APBA3: variants seen among roughly 807,000 people sequenced by gnomAD.
APBA3 encodes the protein amyloid beta precursor protein binding family A member 3.
APBA3 carries 45 observed loss-of-function variants against 55.9 expected under a neutral mutation model. The observed-to-expected ratio is 0.80, with a 90% CI of 0.63 to 1.03. The LOEUF is 1.03. Ranked by LOEUF, APBA3 falls within the 50% of genes least tolerant of loss-of-function variation. The pLI, the probability that APBA3 is intolerant of heterozygous loss-of-function variation, is 0.00. For synonymous variants in APBA3, 370 were observed against 353.3 expected (o/e 1.05, Z -0.53); for missense variants, 865 against 820.3 (o/e 1.05, Z -0.67).
rs768886415 is a variant in APBA3, at chr19:3,752,870, G to T, written c.1132C>A (p.Leu378Ile). The T allele has an allele frequency of 3.1e-6, 5 of 1,613,450 alleles. No individual in the cohort carries two copies. The highest frequency in any genetic ancestry group is 4.2e-6 in the Non-Finnish European group (5 of 1,179,886). ...AAGTGGTCCAGGTCCCCATTATGGA[G>T]GTGGCAGGCGCCTGGGCTCGGGTGC... The part of the protein sequence containing the change: ...GVHPSPGACH[L>I]HNGDLDHFSN... The change falls in exon 7 of 11, where the codon CTC becomes ATC. Residue 378 changes from leucine to isoleucine, a missense_variant. Coordinates refer to ENST00000316757, the MANE Select transcript of APBA3 (RefSeq NM_004886.4).
At chr19:3,754,402 G>C in intron 3 of APBA3, 62 bp from the exon 4 acceptor site, 1 of 1,512,136 alleles carries the variant, frequency 6.6e-7, no homozygotes, top group Non-Finnish European at 8.8e-7. Flanking sequence ...TCTGCCCCAG[G>C]GCTACGCTCT....
At chr19:3,753,154 G>C in intron 6 of APBA3, 164 bp from the exon 7 acceptor site, 1 of 751,974 alleles carries the variant, frequency 1.3e-6, no homozygotes, top group South Asian at 1.9e-5. Context: ...AGAGACAGCC[G>C]CATCTTGGGG....
chr19:3,752,966 CAATG>C lies in APBA3; in HGVS notation c.1032_1035del (p.Ile345AlafsTer99), dbSNP rs758608144. Reference sequence around the variant, plus strand: ...CTGTAGGCGGCGGCGAAGGCCTGGCCAATGGCCTGGGCGATGAGCTGGGCCTGCG... The same window carrying C: ...CTGTAGGCGGCGGCGAAGGCCTGGCCGCCTGGGCGATGAGCTGGGCCTGCG... On this transcript the variant is annotated frameshift_variant, in exon 7 of 11. Transcript: ENST00000316757. LOFTEE classifies it high-confidence loss of function. The C allele has an allele frequency of 5.0e-6, 8 of 1,612,642 alleles. No individual in the cohort carries two copies. Among genetic ancestry groups the C allele is most frequent in the Non-Finnish European group, 5.9e-6 (7 of 1,179,888 alleles).
chr19:3,758,356 T>A (rs921677481), intron 3 of APBA3, among the ~76,000 whole-genome samples: 4 of 152,018 alleles, frequency 2.6e-5, no homozygotes, highest in African/African-American at 9.7e-5. Flanking sequence ...CCTCCTGGGC[T>A]CAAGAACTTC....
chr19:3,754,367 C>T (rs773846820), intron 3 of APBA3, 27 bp from the exon 4 acceptor site: 14 of 1,539,702 alleles, frequency 9.1e-6, no homozygotes, highest in East Asian at 2.4e-5. Flanking sequence ...AGAGGGTCGG[C>T]CCCCAGGGGC....
chr19:3,759,693 G>A lies in APBA3; in HGVS notation c.572C>T (p.Ala191Val). The change falls in exon 2 of 11, where the codon GCC becomes GTC. Residue 191 changes from alanine (A) to valine (V), a missense_variant. By Grantham distance (64) the Ala-to-Val change is moderately conservative. Transcript: ENST00000316757. ...LVTPEEPPAG[A>V]QSPETLASYP... ...GGAGGGCGGGGCGGGCACTACCTGGGCACCAGCGGGTGGCTCTTCAGGTGT... is the reference window on the plus strand; with the variant it reads ...GGAGGGCGGGGCGGGCACTACCTGGACACCAGCGGGTGGCTCTTCAGGTGT... 1 of 1,612,022 alleles carries A rather than the reference G, an allele frequency of 6.2e-7. No individual in the cohort carries two copies. Among genetic ancestry groups the A allele is most frequent in the Non-Finnish European group, 8.5e-7 (1 of 1,179,574 alleles).
chr19:3,760,242 C>T lies in APBA3; in HGVS notation c.23G>A (p.Arg8Gln), dbSNP rs776734372. The change falls in exon 2 of 11, where the codon CGA becomes CAA. Residue 8 changes from arginine (R) to glutamine (Q), a missense_variant. Arg to Gln is a conservative substitution (Grantham distance 43, BLOSUM62 1). Transcript: ENST00000316757. Reference protein sequence around the residue: MDFPTISRSPSGPPAMDL... With the variant: MDFPTISQSPSGPPAMDL... ...CATGGCTGGAGGCCCCGAAGGGGAT[C>T]GGGAAATTGTGGGGAAGTCCATGCC... 213 of 1,603,202 alleles carry T rather than the reference C, an allele frequency of 1.3e-4. No individual in the cohort carries two copies. The highest frequency in any genetic ancestry group is 1.7e-4 in the Non-Finnish European group (196 of 1,178,770).
At chr19:3,755,186 C>T (rs910508051) in intron 3 of APBA3, 1 of 152,226 alleles carries the variant, frequency 6.6e-6, no homozygotes, top group Non-Finnish European at 1.5e-5. Flanking sequence ...TTCCCATACT[C>T]TCCAGAACCC....
intron 6 of APBA3, 38 bp from the exon 7 acceptor site, chr19:3,753,028 C>T: frequency 6.3e-7 from 1 of 1,599,064 alleles, no homozygotes; most frequent in South Asian, 1.1e-5. Context: ...GGTGTCCCAC[C>T]CACCTCCTCC....
At chr19:3,760,612 G>A (rs2037133323) in intron 1 of APBA3, among the ~76,000 whole-genome samples, 1 of 152,076 alleles carries the variant, frequency 6.6e-6, no homozygotes, top group African/African-American at 2.4e-5. Flanking sequence ...AGCCAGGTGT[G>A]GTGGCAGGCA....
At position 3,753,327 on chromosome 19, in the gene APBA3, G is replaced by T. The variant is rs10412366; in HGVS notation, c.1012-337C>A. 12 of 420,176 alleles carry T rather than the reference G, an allele frequency of 2.9e-5. No individual in the cohort carries two copies. In the South Asian group the frequency reaches 4.1e-4, roughly 15 times the overall value. 26.0% of individuals were successfully genotyped at this position (420,176 alleles called of 1,614,324 possible). On this transcript the variant is annotated intron_variant, in intron 6 of 10. Transcript: ENST00000316757. ...CAGCCCAGGAGCGGGCAAGGTTTCGGGGAGTCGGCCGAGAGTCTTGGAGTC... is the reference window on the plus strand; with the variant it reads ...CAGCCCAGGAGCGGGCAAGGTTTCGTGGAGTCGGCCGAGAGTCTTGGAGTC...
Position 3,752,527 on chromosome 19 carries a change from G to C in APBA3, c.1376C>G (p.Ala459Gly). The C allele has an allele frequency of 1.3e-6, 2 of 1,581,944 alleles. No homozygotes were observed. Among genetic ancestry groups the C allele is most frequent in the East Asian group, 4.6e-5 (2 of 43,882 alleles). The change falls in exon 8 of 11, where the codon GCG becomes GGG. Residue 459 changes from alanine to glycine, a missense_variant. Ala to Gly is a moderately conservative substitution (Grantham distance 60). Coordinates refer to ENST00000316757, the MANE Select transcript of APBA3 (RefSeq NM_004886.4). ...GTSLVGLPLA[A>G]CQAAVRETKS... ...ACTCACGCGGACAGCGGCCTGGCAC[G>C]CAGCCAGGGGCAGCCCCACCAGGCT...
intron 3 of APBA3, chr19:3,755,144 G>C (rs1240330795): frequency 6.6e-6 from 1 of 152,188 alleles, no homozygotes; most frequent in Non-Finnish European, 1.5e-5. Context: ...GAACCACTCA[G>C]AACAGAGACA....
rs777920931 is a variant in APBA3, at chr19:3,751,192, G to T, written c.1653C>A (p.Gly551=). 2.6e-6 allele frequency: 4 copies of T among 1,551,854 alleles called. No homozygotes were observed. Among genetic ancestry groups the T allele is most frequent in the Non-Finnish European group, 3.5e-6 (4 of 1,148,420 alleles). ...RIIELLTEAY[G]EVHIKTMPAA... Reference sequence around the variant, plus strand: ...CCACCACCCACCACCCGCACACCTCGCCATAGGCCTCGGTGAGCAGCTCGA... The same window carrying T: ...CCACCACCCACCACCCGCACACCTCTCCATAGGCCTCGGTGAGCAGCTCGA... Residue 551 remains glycine, a synonymous_variant, in exon 10 of 11, where the codon GGC becomes GGA. Coordinates refer to ENST00000316757, the MANE Select transcript of APBA3 (RefSeq NM_004886.4).
Position 3,753,899 on chromosome 19 carries a change from T to C in APBA3, c.877A>G (p.Thr293Ala). The change falls in exon 6 of 11, where the codon ACC becomes GCC. Residue 293 changes from threonine (T) to alanine (A), a missense_variant. By Grantham distance (58) the Thr-to-Ala change is moderately conservative (BLOSUM62 0). Coordinates refer to ENST00000316757, the MANE Select transcript of APBA3 (RefSeq NM_004886.4). ...QEAMMDHALH[T>A]ISYTADIGCV... ...CCGATGTCGGCTGTGTAGGAGATGG[T>C]ATGCAGGGCGTGGTCCATCATGGCC... is the stretch of plus-strand genomic sequence containing the variant. The C allele has an allele frequency of 6.4e-7, 1 of 1,556,750 alleles. No individual in the cohort carries two copies. Among genetic ancestry groups the C allele is most frequent in the South Asian group, 1.2e-5 (1 of 85,006 alleles).
chr19:3,753,135 G>C, intron 6 of APBA3, 145 bp from the exon 7 acceptor site: 1 of 942,140 alleles, frequency 1.1e-6, no homozygotes, highest in Non-Finnish European at 1.5e-6. Context: ...GGGGCTTTGG[G>C]GGAGGTGGAG....
In APBA3 at chr19:3,751,103, G is replaced by A. The variant is rs574424374; in HGVS notation, c.1657-6C>T. ...GGCATCGTCTTGATATGCACCTGGGGAGTGGAGGCGGAACGGGGCTCAGGG... is the reference window on the plus strand; with the variant it reads ...GGCATCGTCTTGATATGCACCTGGGAAGTGGAGGCGGAACGGGGCTCAGGG... On this transcript the variant is annotated splice_region_variant and splice_polypyrimidine_tract_variant and intron_variant, in intron 10 of 10. Transcript: ENST00000316757. 5 of 1,566,514 alleles carry A rather than the reference G, an allele frequency of 3.2e-6. No homozygotes were observed. The highest frequency in any genetic ancestry group is 4.3e-6 in the Non-Finnish European group (5 of 1,155,276).
At chr19:3,751,755 C>T (rs2037009038) in intron 8 of APBA3, 6 of 614,732 alleles carry the variant, frequency 9.8e-6, no homozygotes, top group Admixed American at 3.6e-5. Flanking sequence ...CGAGCCATAT[C>T]GCTTCCTTAT....
chr19:3,750,978 C>T lies in APBA3; in HGVS notation c.*48G>A. ...GCCAGGGCAGGCCCAGGATGGGGCT[C>T]CGGGGCCATGGAGGCGAAGGCACAG... On this transcript the variant is annotated 3_prime_UTR_variant, in exon 11 of 11. Coordinates refer to ENST00000316757, the MANE Select transcript of APBA3 (RefSeq NM_004886.4). The T allele has an allele frequency of 6.5e-7, 1 of 1,539,680 alleles. No homozygotes were observed. The highest frequency in any genetic ancestry group is 2.4e-5 in the East Asian group (1 of 40,926).
Sources: allele counts gnomAD v4.1 joint callset (sites outside exome capture counted in the v4.1 genomes callset), GRCh38; gene constraint gnomAD v4.1.1; transcripts MANE v1.5; gene names NCBI Gene and HGNC (gene_info 2026-07-23, HGNC 2026-07-21).